Variants in DPP6 observed in about 807,000 individuals in gnomAD.
The protein encoded by DPP6 is dipeptidyl peptidase like 6, also known as A-type potassium channel modulatory protein DPP6.
Under a neutral mutation model 122.6 loss-of-function variants are expected in DPP6, and 69 were observed. The ratio of observed to expected loss-of-function variants is 0.56; its 90% CI spans 0.46 to 0.69. The LOEUF is 0.69. DPP6 is among the 30% of genes least tolerant of loss of function. The pLI is 0.00. For synonymous variants in DPP6, 418 were observed against 433.1 expected (o/e 0.97, Z 0.43); for missense variants, 928 against 1,116.9 (o/e 0.83, Z 2.41).
Position 154,853,709 on chromosome 7 carries a change from G to GTTTTC in DPP6, c.1667-68_1667-64dup, listed in dbSNP as rs3842144. 764,103 of 1,576,960 alleles carry GTTTTC rather than the reference G, an allele frequency of 0.48. 191,028 individuals are homozygous for GTTTTC. The highest frequency in any genetic ancestry group is 0.79 in the East Asian group (35,047 of 44,410). Reference sequence around the variant, plus strand: ...TATCTACGTGGCATAAGAAAAGCCTGTTTTCTTGTTCTCGGCTAAACTAAT... The same window carrying GTTTTC: ...TATCTACGTGGCATAAGAAAAGCCTGTTTTCTTTTCTTGTTCTCGGCTAAACTAAT... On this transcript the variant is annotated intron_variant, in intron 16 of 25. Transcript: ENST00000377770.
rs115786937 is a variant in DPP6 at position 154,588,144 on chromosome 7, C to T, written c.627+21228C>T. The T allele has an allele frequency of 9.8e-5, 153 of 1,554,634 alleles. No individual in the cohort carries two copies. The African/African-American group carries it at 1.6e-3, about 16-fold the overall frequency. ...CCTTCAACACTGGTGGAGAGAGACA[C>T]GCTGTCATCAGGCCCAAGAAATACT... On this transcript the variant is annotated intron_variant, in intron 5 of 25. Transcript: ENST00000377770.
intron 16 of DPP6, among the ~76,000 whole-genome samples, chr7:154,847,099 C>T (rs1377587593): frequency 2.6e-5 from 4 of 152,144 alleles, no homozygotes; most frequent in Non-Finnish European, 5.9e-5. Context: ...AGATGTGTTC[C>T]CAGGAGTGGA....
the DPP6 span, among the ~76,000 whole-genome samples, chr7:153,759,261 T>A: frequency 6.6e-6 from 1 of 151,924 alleles, no homozygotes; most frequent in East Asian, 1.9e-4. Flanking sequence ...TAAATGTCTT[T>A]ATCAGCTATA....
intron 8 of DPP6, among the ~76,000 whole-genome samples, chr7:154,737,155 C>T (rs1342370740): frequency 6.6e-6 from 1 of 152,206 alleles, no homozygotes; most frequent in African/African-American, 2.4e-5. Flanking sequence ...ATAGCAGTAT[C>T]TAAGTTTCAG....
chr7:154,126,810 G>A (rs3115113), intron 1 of DPP6, among the ~76,000 whole-genome samples: 2 of 152,156 alleles, frequency 1.3e-5, no homozygotes, highest in African/African-American at 2.4e-5. Flanking sequence ...CTAGCTCATG[G>A]GGCCAGCCCC....
At chr7:154,733,295 A>G (rs1190783475) in intron 8 of DPP6, among the ~76,000 whole-genome samples, 1 of 152,248 alleles carries the variant, frequency 6.6e-6, no homozygotes, top group African/African-American at 2.4e-5. Context: ...CGATGTAGTC[A>G]GGCCCACTGT....
chr7:154,766,485 T>G (rs1391859144), intron 8 of DPP6, among the ~76,000 whole-genome samples: 1 of 152,150 alleles, frequency 6.6e-6, no homozygotes, highest in Admixed American at 6.5e-5. Flanking sequence ...TTTTGTATTT[T>G]TAGTACAGAC....
chr7:154,708,607 G>A (rs927444123), intron 7 of DPP6, among the ~76,000 whole-genome samples: 1 of 152,112 alleles, frequency 6.6e-6, no homozygotes. Context: ...AAATATCAGA[G>A]ACACAGGTGA....
At chr7:153,754,534 A>T in the DPP6 span, among the ~76,000 whole-genome samples, 1 of 152,060 alleles carries the variant, frequency 6.6e-6, no homozygotes, top group Non-Finnish European at 1.5e-5. Flanking sequence ...TTTTCTTCAT[A>T]TTTATTACCG....
At chr7:153,779,037 T>C in the DPP6 span, among the ~76,000 whole-genome samples, 2 of 147,030 alleles carry the variant, frequency 1.4e-5, no homozygotes, top group Non-Finnish European at 2.9e-5. Context: ...GCAAAATGGA[T>C]GAATCTCGGA....
chr7:154,460,111 A>G (rs1437620386), intron 2 of DPP6, among the ~76,000 whole-genome samples: 1 of 150,314 alleles, frequency 6.7e-6, no homozygotes, highest in Non-Finnish European at 1.5e-5. Flanking sequence ...CCTCCCAGGT[A>G]GCTGGTATTA....
intron 7 of DPP6, among the ~76,000 whole-genome samples, chr7:154,678,098 T>C (rs1367702623): frequency 6.6e-6 from 1 of 152,136 alleles, no homozygotes; most frequent in Non-Finnish European, 1.5e-5. Flanking sequence ...CAATCAGTGC[T>C]CTGTGTCTAG....
the DPP6 span, among the ~76,000 whole-genome samples, chr7:153,782,934 C>T: frequency 2.6e-5 from 4 of 152,110 alleles, no homozygotes; most frequent in African/African-American, 9.7e-5. Flanking sequence ...ACGCCATGTG[C>T]GATACTTGTA....
chr7:153,863,465 T>TA, the DPP6 span, among the ~76,000 whole-genome samples: 1 of 149,454 alleles, frequency 6.7e-6, no homozygotes, highest in East Asian at 2.1e-4. Flanking sequence ...TTCCCCTCAG[T>TA]CTTTTTTTTT....
the DPP6 span, among the ~76,000 whole-genome samples, chr7:153,844,378 A>G: frequency 6.6e-6 from 1 of 152,212 alleles, no homozygotes; most frequent in African/African-American, 2.4e-5. Context: ...ATAAACCAAT[A>G]GCACAAATTA....
chr7:153,806,166 C>T, the DPP6 span, among the ~76,000 whole-genome samples: 10 of 151,706 alleles, frequency 6.6e-5, 1 homozygote, highest in Admixed American at 3.3e-4. Context: ...AATGAGCCCT[C>T]CCTGCCTCTG....
chr7:154,724,742 T>C (rs1009271350), intron 7 of DPP6, among the ~76,000 whole-genome samples: 1 of 151,138 alleles, frequency 6.6e-6, no homozygotes, highest in African/African-American at 2.4e-5. Context: ...AGACAGGAAG[T>C]AGAGTAGGGG....
chr7:153,873,511 A>T, the DPP6 span, among the ~76,000 whole-genome samples: 1,651 of 152,342 alleles, frequency 0.011, 16 homozygotes, highest in African/African-American at 0.038. Flanking sequence ...AAAAAATTCT[A>T]ACCGTTCCAT....
the DPP6 span, among the ~76,000 whole-genome samples, chr7:153,845,702 C>T: frequency 1.3e-5 from 2 of 152,042 alleles, no homozygotes; most frequent in African/African-American, 2.4e-5. Context: ...CTTTTCTCCA[C>T]TAGTATAAGG....
Sources: allele counts gnomAD v4.1 joint callset (sites outside exome capture counted in the v4.1 genomes callset), GRCh38; gene constraint gnomAD v4.1.1; transcripts MANE v1.5; gene names NCBI Gene and HGNC (gene_info 2026-07-23, HGNC 2026-07-21).